Variants in DPYSL4 observed in about 807,000 individuals in gnomAD.
DPYSL4 encodes the protein dihydropyrimidinase-related protein 4.
Under a neutral mutation model 63.4 loss-of-function variants are expected in DPYSL4, and 43 were observed. The observed-to-expected ratio is 0.68, with a 90% CI of 0.53 to 0.88. DPYSL4 has a LOEUF of 0.88. Ranked by LOEUF, DPYSL4 falls within the 40% of genes least tolerant of loss-of-function variation. The probability of loss-of-function intolerance (pLI) is 0.00; values close to 1 mark genes in which losing one functional copy is unlikely to be tolerated. For missense variants in DPYSL4, 733 were observed against 819.5 expected (o/e 0.89, Z 1.29); for synonymous variants, 353 against 331.7 (o/e 1.06, Z -0.70).
rs111696807 is a variant in DPYSL4 at position 132,190,224 on chromosome 10, G to T, written c.40-523G>T. Among the ~76,000 whole-genome samples, 892 of 152,368 alleles carry T rather than the reference G, an allele frequency of 5.9e-3. 15 individuals carry two copies. The highest frequency in any genetic ancestry group is 0.02 in the African/African-American group (830 of 41,590). ...CCCTCAGTGGGAGGCAGCCTCCTGGGGTGGGGACCATGCCTGTGGGGGCGC... is the reference window on the plus strand; with the variant it reads ...CCCTCAGTGGGAGGCAGCCTCCTGGTGTGGGGACCATGCCTGTGGGGGCGC... On this transcript the variant is annotated intron_variant, in intron 1 of 13. Coordinates refer to ENST00000338492, the MANE Select transcript of DPYSL4 (RefSeq NM_006426.3).
At chr10:132,200,108 CAG>C (rs2061992903) in intron 8 of DPYSL4, among the ~76,000 whole-genome samples, 1 of 152,158 alleles carries the variant, frequency 6.6e-6, no homozygotes, top group Non-Finnish European at 1.5e-5. Context: ...GGGGTGTGGG[CAG>C]AGAGAGGACT....
In DPYSL4 at chr10:132,205,017, C is replaced by G; in HGVS notation, c.*87C>G. 8.8e-7 allele frequency: 1 copy of G among 1,130,872 alleles called. No individual in the cohort carries two copies. The highest frequency in any genetic ancestry group is 1.7e-5 in the South Asian group (1 of 58,270). 70.1% of individuals were successfully genotyped at this position (1,130,872 alleles called of 1,614,324 possible). A position where few individuals can be genotyped will look rare whatever the true frequency, so the allele number is the denominator to read the frequency against. On this transcript the variant is annotated 3_prime_UTR_variant, in exon 14 of 14. Transcript: ENST00000338492. ...CACTCGCCCCCCTCCTTAGCATTTT[C>G]TTTTGTAGAAGTTTCTCGAAGGTGC...
chr10:132,191,079 A>G (rs1440371369), intron 2 of DPYSL4, among the ~76,000 whole-genome samples: 7 of 123,144 alleles, frequency 5.7e-5, no homozygotes, highest in African/African-American at 1.3e-4. Context: ...GCAGGTGCAA[A>G]TAGTTCCCAG....
chr10:132,193,376 G>A (rs562230606), intron 3 of DPYSL4, among the ~76,000 whole-genome samples: 2 of 152,312 alleles, frequency 1.3e-5, no homozygotes, highest in East Asian at 3.9e-4. Context: ...TGCCCGGCAC[G>A]GGCTCTATCC....
intron 1 of DPYSL4, among the ~76,000 whole-genome samples, chr10:132,187,842 C>T (rs2061825577): frequency 6.6e-6 from 1 of 152,228 alleles, no homozygotes; most frequent in South Asian, 2.1e-4. Context: ...AACAAAGCCT[C>T]CCCGCTCGGG....
Position 132,203,804 on chromosome 10 carries a change from C to G in DPYSL4, c.1504C>G (p.Pro502Ala). The change falls in exon 13 of 14, where the codon CCC becomes GCC. Residue 502 changes from proline (P) to alanine (A), a missense_variant. Transcript: ENST00000338492. ...TGTGCCCCGTGGACTGTATGACGGG[C>G]CCGTCCACGAGGTGATGGTGCCTGC... is the stretch of plus-strand genomic sequence containing the variant. ...HGVPRGLYDG[P>A]VHEVMVPAKP... The G allele has an allele frequency of 6.2e-7, 1 of 1,612,396 alleles. No homozygotes were observed. Among genetic ancestry groups the G allele is most frequent in the Non-Finnish European group, 8.5e-7 (1 of 1,179,604 alleles).
intron 1 of DPYSL4, 126 bp downstream of exon 1, chr10:132,187,228 C>G: frequency 3.3e-6 from 2 of 610,678 alleles, no homozygotes; most frequent in Non-Finnish European, 5.4e-6. Flanking sequence ...TGGTCCCTGT[C>G]CTGGCGCCCG....
intron 3 of DPYSL4, among the ~76,000 whole-genome samples, chr10:132,194,259 G>A (rs796138578): frequency 2.0e-5 from 3 of 152,392 alleles, no homozygotes; most frequent in South Asian, 4.1e-4. Context: ...CGACCACCTG[G>A]CTTGGAGCTG....
chr10:132,195,048 C>A, intron 4 of DPYSL4, 39 bp downstream of exon 4: 1 of 1,580,768 alleles, frequency 6.3e-7, no homozygotes, highest in Non-Finnish European at 8.5e-7. Context: ...GGGCATGGAG[C>A]CTGGTGGAGG....
intron 10 of DPYSL4, 146 bp from the exon 11 acceptor site, chr10:132,201,800 G>T: frequency 1.2e-6 from 1 of 851,302 alleles, no homozygotes; most frequent in Non-Finnish European, 1.7e-6. Flanking sequence ...CCTTGTGGGG[G>T]GCCTGGTGGT....
At chr10:132,203,569 G>C in intron 12 of DPYSL4, 193 bp from the exon 13 acceptor site, 1 of 590,120 alleles carries the variant, frequency 1.7e-6, no homozygotes. Flanking sequence ...ACTGCAAGGA[G>C]GGAGGCGTGT....
chr10:132,195,339 G>A (rs575437409), intron 4 of DPYSL4, among the ~76,000 whole-genome samples: 30 of 152,326 alleles, frequency 2.0e-4, no homozygotes, highest in African/African-American at 7.2e-4. Context: ...TCCTTTCAGA[G>A]GGAGACCCTT....
At chr10:132,202,591 T>C in intron 11 of DPYSL4, 55 bp from the exon 12 acceptor site, 1 of 1,598,272 alleles carries the variant, frequency 6.3e-7, no homozygotes, top group Non-Finnish European at 8.5e-7. Context: ...TCAACGGGGA[T>C]GGGACTGTTG....
At chr10:132,187,728 C>T (rs975390025) in intron 1 of DPYSL4, among the ~76,000 whole-genome samples, 56 of 152,372 alleles carry the variant, frequency 3.7e-4, no homozygotes, top group African/African-American at 1.3e-3. Flanking sequence ...AGCGAGCGGT[C>T]AAGGGCCACT....
intron 1 of DPYSL4, among the ~76,000 whole-genome samples, chr10:132,190,279 T>G (rs1042295347): frequency 6.6e-6 from 1 of 152,230 alleles, no homozygotes. Flanking sequence ...GCACCATCAC[T>G]GGTCTGTAGT....
chr10:132,197,998 G>A lies in DPYSL4; in HGVS notation c.622-417G>A, dbSNP rs143478243. Among the ~76,000 whole-genome samples the A allele has an allele frequency of 1.7e-3, 260 of 152,318 alleles. 3 individuals are homozygous for A. In the East Asian group the frequency reaches 0.042, roughly 25 times the overall value. Reference sequence around the variant, plus strand: ...GTCTTCCCTGACACGAGCGGATGCCGTAGTGCAAATCTGCACGGAAAGGCA... The same window carrying A: ...GTCTTCCCTGACACGAGCGGATGCCATAGTGCAAATCTGCACGGAAAGGCA... On this transcript the variant is annotated intron_variant, in intron 6 of 13. Transcript: ENST00000338492.
rs754249052 is a variant in DPYSL4 at position 132,203,869 on chromosome 10, A to C, written c.1569A>C (p.Pro523=). Residue 523 remains proline (P), a synonymous_variant, in exon 13 of 14, where the codon CCA becomes CCC. Transcript: ENST00000338492. ...GSGAPARASC[P]GKISVPPVRN... ...GCGCTCCGGCCCGCGCGTCCTGCCC[A>C]GGCAAGATCTCCGTCCCTCCTGTGC... 3 of 1,612,842 alleles carry C rather than the reference A, an allele frequency of 1.9e-6. No individual in the cohort carries two copies. The highest frequency in any genetic ancestry group is 2.2e-5 in the East Asian group (1 of 44,872).
intron 4 of DPYSL4, among the ~76,000 whole-genome samples, chr10:132,195,250 A>T (rs986508730): frequency 6.6e-6 from 1 of 152,208 alleles, no homozygotes; most frequent in African/African-American, 2.4e-5. Context: ...GAAAAGATGC[A>T]GCAGATCCGT....
Position 132,189,916 on chromosome 10 carries a change from C to A in DPYSL4, c.40-831C>A, listed in dbSNP as rs565461490. 3.3e-5 allele frequency among the ~76,000 whole-genome samples: 5 copies of A among 152,338 alleles called. No homozygotes were observed. The South Asian group carries it at 1.0e-3, about 32-fold the overall frequency. Reference sequence around the variant, plus strand: ...CCTGCCCCTGCCAAGCTCTGGGCACCGACTTGCCTCTGGCACCACCACCCC... The same window carrying A: ...CCTGCCCCTGCCAAGCTCTGGGCACAGACTTGCCTCTGGCACCACCACCCC... On this transcript the variant is annotated intron_variant, in intron 1 of 13. Coordinates refer to ENST00000338492, the MANE Select transcript of DPYSL4 (RefSeq NM_006426.3).
Sources: gnomAD v4.1 joint callset for allele counts (sites outside exome capture counted in the v4.1 genomes callset) on GRCh38, gnomAD v4.1.1 for gene constraint, MANE v1.5 for transcripts, NCBI Gene and HGNC (gene_info 2026-07-23, HGNC 2026-07-21) for gene names.